The following TCF12 variants were observed in gnomAD, a reference collection of about 807,000 sequenced individuals.
TCF12 encodes the protein DNA-binding protein HTF4.
Under a neutral mutation model 86.0 loss-of-function variants are expected in TCF12, and 45 were observed. The observed-to-expected ratio is 0.52, with a 90% CI of 0.41 to 0.67. The LOEUF (loss-of-function observed/expected upper bound fraction) is 0.67, where lower values mean the gene tolerates loss of function less well. Ranked by LOEUF, TCF12 falls within the 30% of genes least tolerant of loss-of-function variation. The probability of loss-of-function intolerance (pLI) is 0.00; values close to 1 mark genes in which losing one functional copy is unlikely to be tolerated. For synonymous variants in TCF12, 330 were observed against 299.6 expected (o/e 1.10, Z -1.05); for missense variants, 881 against 859.9 (o/e 1.02, Z -0.31).
At position 57,166,409 on chromosome 15, in the gene TCF12, A is replaced by G. The variant is rs2054896140; in HGVS notation, c.333A>G (p.Thr111=). The G allele has an allele frequency of 1.9e-6, 3 of 1,612,072 alleles. No individual in the cohort carries two copies. The highest frequency in any genetic ancestry group is 1.7e-6 in the Non-Finnish European group (2 of 1,179,312). Residue 111 remains threonine (T), a synonymous_variant, in exon 6 of 21, where the codon ACA becomes ACG. Transcript: ENST00000333725. ...AATTTCTTTGTTTTATAGGAAAAAC[A>G]TCAGAGAGAGGCTCATTTTCCCTGT... is the stretch of plus-strand genomic sequence containing the variant. ...PFMNSNLMGK[T]SERGSFSLYS...
intron 3 of TCF12, among the ~76,000 whole-genome samples, chr15:57,047,681 C>A (rs1468429545): frequency 6.6e-6 from 1 of 152,162 alleles, no homozygotes; most frequent in South Asian, 2.1e-4. Flanking sequence ...AAAATATTAG[C>A]CTCAACTGAA....
At chr15:57,059,189 G>A (rs1378747997) in intron 3 of TCF12, among the ~76,000 whole-genome samples, 5 of 152,136 alleles carry the variant, frequency 3.3e-5, no homozygotes, top group African/African-American at 7.2e-5. Flanking sequence ...TTTGATTTCA[G>A]TGCTACTAAA....
intron 3 of TCF12, among the ~76,000 whole-genome samples, chr15:56,952,982 GC>G (rs1662111508): frequency 6.6e-6 from 1 of 151,958 alleles, no homozygotes; most frequent in African/African-American, 2.4e-5. Flanking sequence ...TTAGTTGTAG[GC>G]TTTTTTTTAT....
intron 5 of TCF12, among the ~76,000 whole-genome samples, chr15:57,142,963 T>C (rs1217908062): frequency 6.6e-6 from 1 of 152,204 alleles, no homozygotes; most frequent in Non-Finnish European, 1.5e-5. Context: ...ACAATGTGAC[T>C]GCATTCAATA....
At chr15:57,012,391 A>G (rs1436837421) in intron 3 of TCF12, among the ~76,000 whole-genome samples, 1 of 152,208 alleles carries the variant, frequency 6.6e-6, no homozygotes, top group African/African-American at 2.4e-5. Context: ...TTAGAGAAGT[A>G]GTGGTAGCTT....
intron 5 of TCF12, among the ~76,000 whole-genome samples, chr15:57,144,512 C>G (rs1053382536): frequency 6.6e-6 from 1 of 152,152 alleles, no homozygotes; most frequent in Non-Finnish European, 1.5e-5. Flanking sequence ...TATAGGCTTT[C>G]TTTTCTTATA....
chr15:56,954,451 C>G (rs1279942076), intron 3 of TCF12, among the ~76,000 whole-genome samples: 1 of 152,062 alleles, frequency 6.6e-6, no homozygotes, highest in East Asian at 1.9e-4. Flanking sequence ...AATATTAGAC[C>G]TAAAACCATA....
intron 5 of TCF12, among the ~76,000 whole-genome samples, chr15:57,100,705 T>C (rs114181302): frequency 6.6e-6 from 1 of 152,128 alleles, no homozygotes; most frequent in Admixed American, 6.5e-5. Context: ...AGAATAGAAG[T>C]AGGGGGAGGT....
intron 3 of TCF12, among the ~76,000 whole-genome samples, chr15:56,943,282 A>T (rs1298885355): frequency 6.6e-6 from 1 of 152,222 alleles, no homozygotes; most frequent in East Asian, 1.9e-4. Flanking sequence ...TTTCTAAAAT[A>T]TGTGTAATGA....
chr15:57,004,469 C>A (rs767262307), intron 3 of TCF12, among the ~76,000 whole-genome samples: 7 of 151,998 alleles, frequency 4.6e-5, no homozygotes, highest in Non-Finnish European at 7.4e-5. Context: ...AGTGCAGTGG[C>A]GCGATCTCAA....
At chr15:57,202,091 C>T (rs1375159224) in intron 8 of TCF12, among the ~76,000 whole-genome samples, 1 of 152,068 alleles carries the variant, frequency 6.6e-6, no homozygotes, top group Non-Finnish European at 1.5e-5. Context: ...CAACCTTTTG[C>T]CAAACAACTC....
intron 18 of TCF12, among the ~76,000 whole-genome samples, chr15:57,265,589 T>A (rs2060824821): frequency 6.6e-6 from 1 of 152,206 alleles, no homozygotes; most frequent in South Asian, 2.1e-4. Flanking sequence ...TGTTTAATAT[T>A]AGAAGTGTAT....
intron 5 of TCF12, among the ~76,000 whole-genome samples, chr15:57,096,662 A>C (rs1365389905): frequency 6.6e-6 from 1 of 152,236 alleles, no homozygotes; most frequent in Non-Finnish European, 1.5e-5. Flanking sequence ...TGTTTAGGGC[A>C]TAATGACAAG....
rs777934020 is a variant in TCF12 at position 57,254,857 on chromosome 15, C to CA, written c.1467+1409dup. Among the ~76,000 whole-genome samples, 736 of 102,430 alleles carry CA rather than the reference C, an allele frequency of 7.2e-3. 2 individuals carry two copies. The highest frequency in any genetic ancestry group is 0.032 in the South Asian group (96 of 3,036). The allele number at this position is 102,430 out of a possible 152,430, so 67.2% of individuals were successfully genotyped here. ...TAGGCCATAGAGCATGACCCTGTCT[C>CA]AAAAAAAAAAAAAAAAAAAAGAAAG... On this transcript the variant is annotated intron_variant, in intron 16 of 20. Transcript: ENST00000333725.
rs374551245 is a variant in TCF12 at position 56,920,030 on chromosome 15, T to G, written c.75+42T>G. ...TGGCATCTTGGGGTTCTGCTGAGGT[T>G]TTTGTTTGTTTGTTTGTTTGTTTCT... On this transcript the variant is annotated intron_variant, in intron 2 of 20. Coordinates refer to ENST00000333725, the MANE Select transcript of TCF12 (RefSeq NM_207037.2). 4.9e-5 allele frequency: 79 copies of G among 1,605,818 alleles called. No individual in the cohort carries two copies. The South Asian group carries it at 6.8e-4, about 14-fold the overall frequency.
intron 5 of TCF12, among the ~76,000 whole-genome samples, chr15:57,112,263 A>G (rs1015269714): frequency 1.3e-5 from 2 of 152,122 alleles, no homozygotes; most frequent in Non-Finnish European, 1.5e-5. Context: ...TCTCACTTGA[A>G]TTTTCAGGTG....
intron 3 of TCF12, among the ~76,000 whole-genome samples, chr15:57,061,025 A>G (rs1433506477): frequency 6.6e-6 from 1 of 152,194 alleles, no homozygotes; most frequent in Non-Finnish European, 1.5e-5. Context: ...AAACCTAGCC[A>G]GATTCTTGTT....
chr15:57,067,214 G>A (rs1272577697), intron 4 of TCF12, among the ~76,000 whole-genome samples: 3 of 152,136 alleles, frequency 2.0e-5, no homozygotes, highest in Non-Finnish European at 1.5e-5. Flanking sequence ...AAGAGGTTTC[G>A]CTAGGTTGAC....
intron 3 of TCF12, among the ~76,000 whole-genome samples, chr15:56,997,897 A>G (rs2063797706): frequency 2.0e-5 from 3 of 152,228 alleles, no homozygotes; most frequent in African/African-American, 7.2e-5. Flanking sequence ...ACTATTGGAA[A>G]GAAAACCCTA....
Sources: gnomAD v4.1 joint callset for allele counts (sites outside exome capture counted in the v4.1 genomes callset) on GRCh38, gnomAD v4.1.1 for gene constraint, MANE v1.5 for transcripts, NCBI Gene and HGNC (gene_info 2026-07-23, HGNC 2026-07-21) for gene names.